Variants in COP1 observed in about 807,000 individuals in gnomAD.
The protein encoded by COP1 is E3 ubiquitin-protein ligase COP1.
A neutral mutation model predicts 101.3 loss-of-function variants in COP1; 24 were observed. The observed-to-expected ratio is 0.24, with a 90% CI of 0.17 to 0.33. COP1 has a LOEUF of 0.33. Ranked by LOEUF, COP1 falls within the 10% of genes least tolerant of loss-of-function variation. The pLI is 1.00. For synonymous variants in COP1, 347 were observed against 341.9 expected, an observed-to-expected ratio of 1.01 and a Z score of -0.17; for missense variants, 663 against 906.2, an observed-to-expected ratio of 0.73 and a Z score of 3.45.
chr1:176,115,842 G>A (rs772804998), intron 9 of COP1, among the ~76,000 whole-genome samples: 4 of 152,138 alleles, frequency 2.6e-5, no homozygotes, highest in Non-Finnish European at 5.9e-5. Context: ...CCAAGCCAAA[G>A]ATGAAGAGAG....
intron 11 of COP1, among the ~76,000 whole-genome samples, chr1:176,077,714 C>G (rs920104053): frequency 6.6e-6 from 1 of 152,146 alleles, no homozygotes; most frequent in Non-Finnish European, 1.5e-5. Context: ...GTCAAATTAT[C>G]TCTCTTCACT....
At chr1:176,178,706 A>G (rs1697318207) in intron 2 of COP1, among the ~76,000 whole-genome samples, 1 of 151,984 alleles carries the variant, frequency 6.6e-6, no homozygotes, top group Non-Finnish European at 1.5e-5. Flanking sequence ...ACAAAAAATT[A>G]GCTGGGCATG....
intron 1 of COP1, among the ~76,000 whole-genome samples, chr1:176,205,822 G>T (rs1460086190): frequency 6.6e-6 from 1 of 152,178 alleles, no homozygotes; most frequent in Admixed American, 6.5e-5. Flanking sequence ...CAAGTCAGAA[G>T]TTCCAGTATA....
rs1023003633 is a variant in COP1, at chr1:176,057,584, G to A, written c.1278-11260C>T. On this transcript the variant is annotated intron_variant, in intron 11 of 19. Transcript: ENST00000367669. ...GCTCCTAACCGCGAGTGATCCGCCA[G>A]CCTCGGCCTCCCGAGGTGCCGGGAT... Among the ~76,000 whole-genome samples, 19 of 152,326 alleles carry A rather than the reference G, an allele frequency of 1.2e-4. No individual in the cohort carries two copies. The East Asian group carries it at 3.7e-3, about 29-fold the overall frequency.
intron 18 of COP1, among the ~76,000 whole-genome samples, chr1:175,982,163 C>T (rs1656025699): frequency 6.6e-6 from 1 of 152,162 alleles, no homozygotes. Flanking sequence ...AGCAATTACA[C>T]TTCTGAGCAT....
intron 11 of COP1, among the ~76,000 whole-genome samples, chr1:176,078,762 T>A (rs911595432): frequency 1.3e-5 from 2 of 150,870 alleles, no homozygotes; most frequent in Admixed American, 6.6e-5. Context: ...AAAGGCCTAA[T>A]CTCTAAAATC....
intron 11 of COP1, among the ~76,000 whole-genome samples, chr1:176,058,539 T>G (rs1245372155): frequency 6.6e-6 from 1 of 152,148 alleles, no homozygotes; most frequent in Non-Finnish European, 1.5e-5. Flanking sequence ...TGTGCTTTGT[T>G]AAACAGATGA....
chr1:176,123,362 G>A (rs1020215547), intron 8 of COP1, among the ~76,000 whole-genome samples: 20 of 152,146 alleles, frequency 1.3e-4, no homozygotes, highest in African/African-American at 4.8e-4. Flanking sequence ...GTATACAGTT[G>A]TCCTTATACC....
rs1467210874 is a variant in COP1, at chr1:176,061,639, AG to A, written c.1278-15316del. 1.5e-3 allele frequency among the ~76,000 whole-genome samples: 233 copies of A among 151,986 alleles called. 3 individuals carry two copies. The highest frequency in any genetic ancestry group is 5.4e-3 in the African/African-American group (221 of 41,252). On this transcript the variant is annotated intron_variant, in intron 11 of 19. Coordinates refer to ENST00000367669, the MANE Select transcript of COP1 (RefSeq NM_022457.7). ...GAAACTCCGTCTCAAAATAAAAAAAAGAAAAAGAAAAAGAAAAAATGAAACT... is the reference window on the plus strand; with the variant it reads ...GAAACTCCGTCTCAAAATAAAAAAAAAAAAAGAAAAAGAAAAAATGAAACT...
At chr1:176,116,417 A>G (rs1686194696) in intron 9 of COP1, among the ~76,000 whole-genome samples, 1 of 152,212 alleles carries the variant, frequency 6.6e-6, no homozygotes, top group Non-Finnish European at 1.5e-5. Flanking sequence ...TGGTGAAGAA[A>G]ATAAATTTAA....
intron 11 of COP1, among the ~76,000 whole-genome samples, chr1:176,061,696 T>G (rs1025133453): frequency 2.0e-5 from 3 of 151,888 alleles, no homozygotes; most frequent in Non-Finnish European, 4.4e-5. Context: ...AAATAAAAAA[T>G]AACTTGAAAT....
chr1:176,204,593 GA>G (rs1320423126), intron 1 of COP1, among the ~76,000 whole-genome samples: 1 of 152,090 alleles, frequency 6.6e-6, no homozygotes, highest in Admixed American at 6.6e-5. Context: ...AACCTCACCA[GA>G]AAAAGAAATA....
chr1:176,078,914 A>G (rs1271056986), intron 11 of COP1, among the ~76,000 whole-genome samples: 2 of 152,220 alleles, frequency 1.3e-5, no homozygotes, highest in East Asian at 3.8e-4. Context: ...TAATCATCAG[A>G]GAAATAAAAA....
chr1:176,186,494 T>C (rs1698456399), intron 1 of COP1, among the ~76,000 whole-genome samples: 1 of 152,054 alleles, frequency 6.6e-6, no homozygotes. Context: ...GAACAGAGAC[T>C]GTGCCACTGC....
At chr1:176,091,055 G>A (rs534928803) in intron 9 of COP1, among the ~76,000 whole-genome samples, 77 of 152,232 alleles carry the variant, frequency 5.1e-4, no homozygotes, top group Admixed American at 1.5e-3. Flanking sequence ...TTCAAGAGCA[G>A]TAGAAAGAAG....
chr1:175,964,841 C>CA (rs1031617226), intron 18 of COP1, among the ~76,000 whole-genome samples: 1 of 152,130 alleles, frequency 6.6e-6, no homozygotes, highest in Non-Finnish European at 1.5e-5. Flanking sequence ...AGGCTTCACA[C>CA]AAAAAAACTC....
At chr1:176,151,417 G>GAAAGAAAGAA (rs1455760757) in intron 5 of COP1, among the ~76,000 whole-genome samples, 1 of 142,722 alleles carries the variant, frequency 7.0e-6, no homozygotes, top group African/African-American at 2.6e-5. Context: ...AAGAAAGAAA[G>GAAAGAAAGAA]AAACATATTT....
chr1:176,183,938 G>C (rs908520678), intron 2 of COP1, among the ~76,000 whole-genome samples: 4 of 152,030 alleles, frequency 2.6e-5, no homozygotes, highest in Non-Finnish European at 4.4e-5. Context: ...ATACAGGGAA[G>C]GGGAAATGGG....
chr1:176,079,281 T>C (rs932214959), intron 11 of COP1, among the ~76,000 whole-genome samples: 2 of 152,144 alleles, frequency 1.3e-5, no homozygotes, highest in African/African-American at 4.8e-5. Flanking sequence ...ATGTGGCACA[T>C]GGAATACAAC....
Sources: gnomAD v4.1 joint callset for allele counts (sites outside exome capture counted in the v4.1 genomes callset) on GRCh38, gnomAD v4.1.1 for gene constraint, MANE v1.5 for transcripts, NCBI Gene and HGNC (gene_info 2026-07-23, HGNC 2026-07-21) for gene names.